Variants in NR2C2 observed in about 807,000 individuals in gnomAD.
The protein encoded by NR2C2 is nuclear receptor subfamily 2 group C member 2.
NR2C2 carries 6 observed loss-of-function variants against 62.9 expected under a neutral mutation model. That is an observed-to-expected ratio of 0.10 (90% confidence interval 0.05 to 0.19). The LOEUF is 0.19. Among genes scored for constraint, NR2C2 ranks in the 10% least tolerant of loss-of-function variants. NR2C2 has a pLI of 1.00. For missense variants in NR2C2, 479 were observed against 762.7 expected (o/e 0.63, Z 4.38); for synonymous variants, 272 against 273.8 (o/e 0.99, Z 0.07).
chr3:14,972,652 A>G (rs2125297016), intron 1 of NR2C2, among the ~76,000 whole-genome samples: 1 of 152,284 alleles, frequency 6.6e-6, no homozygotes, highest in African/African-American at 2.4e-5. Context: ...TTGCATTGCT[A>G]TAAAGGAATA....
intron 1 of NR2C2, among the ~76,000 whole-genome samples, chr3:14,982,592 C>T (rs114940743): frequency 0.06 from 9,161 of 151,930 alleles, 394 homozygotes; most frequent in Non-Finnish European, 0.087. Context: ...TTATAAATAT[C>T]TTATTGAAAT....
At chr3:14,986,360 C>G (rs1037421624) in intron 1 of NR2C2, among the ~76,000 whole-genome samples, 7 of 152,080 alleles carry the variant, frequency 4.6e-5, no homozygotes, top group African/African-American at 1.4e-4. Context: ...TAAGAAGATA[C>G]AATTGTTTTG....
chr3:14,981,915 C>T (rs990087141), intron 1 of NR2C2, among the ~76,000 whole-genome samples: 16 of 152,184 alleles, frequency 1.1e-4, no homozygotes, highest in African/African-American at 3.1e-4. Flanking sequence ...TTCCTCTGTA[C>T]GCTTTTATCC....
At position 15,045,998 on chromosome 3, in the gene NR2C2, A is replaced by C. The variant is rs2042435857; in HGVS notation, c.*2990A>C. ...TGTTGAAAATGGTGGAGATCATTAC[A>C]CATTAGCATAAAACAGGACAGGAAG... On this transcript the variant is annotated 3_prime_UTR_variant, in exon 14 of 14. Transcript: ENST00000425241. The C allele has an allele frequency of 6.6e-6, 1 of 152,240 alleles. No homozygotes were observed. Among genetic ancestry groups the C allele is most frequent in the South Asian group, 2.1e-4 (1 of 4,834 alleles). The allele number at this position is 152,240 out of a possible 1,614,324, so 9.4% of individuals were successfully genotyped here.
intron 1 of NR2C2, among the ~76,000 whole-genome samples, chr3:14,948,911 G>C (rs560341682): frequency 1.3e-5 from 2 of 152,140 alleles, no homozygotes; most frequent in Non-Finnish European, 2.9e-5. Flanking sequence ...TCCCTTCTGA[G>C]CATTGTTTGT....
At chr3:15,003,583 T>G (rs1442512462) in intron 1 of NR2C2, among the ~76,000 whole-genome samples, 1 of 152,236 alleles carries the variant, frequency 6.6e-6, no homozygotes, top group African/African-American at 2.4e-5. Context: ...TTTAAAATGT[T>G]GTTTTGGTAG....
chr3:14,997,558 C>A (rs1032170123), intron 1 of NR2C2, among the ~76,000 whole-genome samples: 1 of 152,132 alleles, frequency 6.6e-6, no homozygotes, highest in Non-Finnish European at 1.5e-5. Context: ...GGGAGACATA[C>A]CTTGCAGGAT....
intron 7 of NR2C2, among the ~76,000 whole-genome samples, chr3:15,024,740 T>C (rs2041774777): frequency 6.6e-6 from 1 of 152,166 alleles, no homozygotes; most frequent in Non-Finnish European, 1.5e-5. Flanking sequence ...GGGGGATTTT[T>C]TCCAGGCCAG....
At chr3:15,033,429 G>C (rs2042028240) in intron 10 of NR2C2, among the ~76,000 whole-genome samples, 1 of 152,184 alleles carries the variant, frequency 6.6e-6, no homozygotes, top group African/African-American at 2.4e-5. Flanking sequence ...GTGTGGTTCT[G>C]TGGGTCAGGT....
intron 1 of NR2C2, among the ~76,000 whole-genome samples, chr3:14,962,678 A>G (rs932523258): frequency 1.6e-5 from 2 of 128,682 alleles, no homozygotes; most frequent in Admixed American, 8.6e-5. Flanking sequence ...TTTTTTTTGC[A>G]TGAGTAGGGT....
chr3:15,004,673 A>G, intron 2 of NR2C2: 1 of 1,578,118 alleles, frequency 6.3e-7, no homozygotes. Context: ...ATTGATGACA[A>G]AGATTTATTG....
At chr3:14,984,274 C>T (rs2040455125) in intron 1 of NR2C2, among the ~76,000 whole-genome samples, 1 of 152,098 alleles carries the variant, frequency 6.6e-6, no homozygotes. Context: ...CTTTTTTTCC[C>T]TGGTCATTTT....
chr3:15,013,904 C>A, intron 3 of NR2C2, 115 bp downstream of exon 3: 1 of 1,093,014 alleles, frequency 9.1e-7, no homozygotes. Flanking sequence ...CCTTGGGGAC[C>A]TGCAAACATG....
intron 1 of NR2C2, among the ~76,000 whole-genome samples, chr3:14,956,677 A>G (rs2039535472): frequency 6.6e-6 from 1 of 152,046 alleles, no homozygotes; most frequent in Admixed American, 6.5e-5. Flanking sequence ...AAACAGCTGG[A>G]ATTACAGGCA....
chr3:14,964,980 A>G (rs2039797992), intron 1 of NR2C2, among the ~76,000 whole-genome samples: 1 of 151,972 alleles, frequency 6.6e-6, no homozygotes, highest in Non-Finnish European at 1.5e-5. Context: ...TCACATACAT[A>G]CCCACACTCA....
chr3:14,981,102 T>G (rs1263289872), intron 1 of NR2C2, among the ~76,000 whole-genome samples: 1 of 152,190 alleles, frequency 6.6e-6, no homozygotes, highest in Non-Finnish European at 1.5e-5. Flanking sequence ...CATACCATAG[T>G]AACAATAATA....
intron 2 of NR2C2, among the ~76,000 whole-genome samples, chr3:15,004,386 G>A (rs1367407976): frequency 1.3e-5 from 2 of 152,124 alleles, no homozygotes; most frequent in African/African-American, 4.8e-5. Context: ...CATAATAGTA[G>A]TATTTGCCTC....
chr3:14,972,984 A>G (rs976120427), intron 1 of NR2C2, among the ~76,000 whole-genome samples: 1 of 152,202 alleles, frequency 6.6e-6, no homozygotes, highest in African/African-American at 2.4e-5. Flanking sequence ...CACCTCCAGC[A>G]CTGGGGATTA....
At chr3:15,015,874 T>C (rs1010256554) in intron 3 of NR2C2, among the ~76,000 whole-genome samples, 5 of 152,208 alleles carry the variant, frequency 3.3e-5, no homozygotes, top group Admixed American at 3.3e-4. Flanking sequence ...CGATCTCGGC[T>C]CACTACAACC....
Sources: gnomAD v4.1 joint callset for allele counts (sites outside exome capture counted in the v4.1 genomes callset) on GRCh38, gnomAD v4.1.1 for gene constraint, MANE v1.5 for transcripts, NCBI Gene and HGNC (gene_info 2026-07-23, HGNC 2026-07-21) for gene names.